STIMATE: variants seen among roughly 807,000 people sequenced by gnomAD.
STIMATE encodes store-operated calcium entry regulator STIMATE.
Under a neutral mutation model 36.7 loss-of-function variants are expected in STIMATE, and 15 were observed. The observed-to-expected ratio is 0.41, with a 90% CI of 0.27 to 0.63. The LOEUF is 0.63. Among genes scored for constraint, STIMATE ranks in the 20% least tolerant of loss-of-function variants. STIMATE has a pLI of 0.32. For missense variants in STIMATE, 305 were observed against 397.3 expected (o/e 0.77, Z 1.98); for synonymous variants, 163 against 162.3 (o/e 1.00, Z -0.03).
intron 1 of STIMATE, among the ~76,000 whole-genome samples, chr3:52,875,824 C>T (rs144722494): frequency 1.3e-5 from 2 of 152,328 alleles, no homozygotes; most frequent in African/African-American, 2.4e-5. Context: ...ACTTTAAATG[C>T]CATTCCCCAG....
intron 1 of STIMATE, among the ~76,000 whole-genome samples, chr3:52,877,487 T>C (rs1272847544): frequency 3.9e-5 from 6 of 152,216 alleles, no homozygotes; most frequent in African/African-American, 1.4e-4. Context: ...GAGTAGGCAT[T>C]GGAGGGGAAA....
intron 2 of STIMATE, among the ~76,000 whole-genome samples, 161 bp from the exon 3 acceptor site, chr3:52,852,859 A>G (rs112633096): frequency 8.4e-4 from 128 of 152,362 alleles, no homozygotes; most frequent in South Asian, 5.4e-3. Flanking sequence ...TTGGCATCTC[A>G]GCCACCTTTC....
At chr3:52,889,643 C>T (rs754732798) in intron 1 of STIMATE, among the ~76,000 whole-genome samples, 8 of 152,268 alleles carry the variant, frequency 5.3e-5, no homozygotes, top group East Asian at 3.9e-4. Context: ...TGGGTGAGCA[C>T]GGCACGTCTG....
At chr3:52,874,978 T>C (rs1022667068) in intron 1 of STIMATE, among the ~76,000 whole-genome samples, 1 of 152,182 alleles carries the variant, frequency 6.6e-6, no homozygotes, top group African/African-American at 2.4e-5. Context: ...AATCTCCTTC[T>C]AAGAGAAAAG....
chr3:52,891,440 T>C (rs1193392919), intron 1 of STIMATE, among the ~76,000 whole-genome samples: 1 of 152,168 alleles, frequency 6.6e-6, no homozygotes, highest in Admixed American at 6.5e-5. Flanking sequence ...CCTACTACCA[T>C]GGGCCCTGGG....
intron 1 of STIMATE, among the ~76,000 whole-genome samples, chr3:52,895,257 G>A (rs983098259): frequency 6.6e-6 from 1 of 152,210 alleles, no homozygotes; most frequent in Non-Finnish European, 1.5e-5. Flanking sequence ...GCCCCACCCT[G>A]ACTGCATCCC....
chr3:52,870,884 CCT>C lies in STIMATE; in HGVS notation c.161-15442_161-15441del, dbSNP rs547977767. 9.8e-4 allele frequency among the ~76,000 whole-genome samples: 149 copies of C among 152,058 alleles called. 1 individual carries two copies. The highest frequency in any genetic ancestry group is 3.5e-3 in the African/African-American group (145 of 41,466). ...TAAGGTGCTCCAAGTAATTGTGTCC[CCT>C]CTCACTGGAAGGTCTGGGGGAAGGC... is the stretch of plus-strand genomic sequence containing the variant. On this transcript the variant is annotated intron_variant, in intron 1 of 7. Coordinates refer to ENST00000355083, the MANE Select transcript of STIMATE (RefSeq NM_198563.5).
chr3:52,842,799 G>A lies in STIMATE; in HGVS notation c.768+12C>T. On this transcript the variant is annotated intron_variant, in intron 7 of 7. Coordinates refer to ENST00000355083, the MANE Select transcript of STIMATE (RefSeq NM_198563.5). Reference sequence around the variant, plus strand: ...GACGGCTTGGGCCCTTGGAGAGTCAGGGAGGCCCTACCTCAGACTCAGACT... The same window carrying A: ...GACGGCTTGGGCCCTTGGAGAGTCAAGGAGGCCCTACCTCAGACTCAGACT... 1 of 1,614,134 alleles carries A rather than the reference G, an allele frequency of 6.2e-7. No individual in the cohort carries two copies. The highest frequency in any genetic ancestry group is 1.3e-5 in the African/African-American group (1 of 75,068).
Position 52,840,613 on chromosome 3 carries a change from G to A in STIMATE, c.769-3C>T. ...TCATCATCCGCTGAGATCAGGATCT[G>A]AGGCAGTAGAGAGGCAGGGCCTGAG... is the stretch of plus-strand genomic sequence containing the variant. On this transcript the variant is annotated splice_polypyrimidine_tract_variant and splice_region_variant and intron_variant, in intron 7 of 7. Transcript: ENST00000355083. 2 of 1,612,086 alleles carry A rather than the reference G, an allele frequency of 1.2e-6. No individual in the cohort carries two copies. The highest frequency in any genetic ancestry group is 8.5e-7 in the Non-Finnish European group (1 of 1,179,108).
At chr3:52,871,940 T>C (rs1005159798) in intron 1 of STIMATE, among the ~76,000 whole-genome samples, 1 of 152,058 alleles carries the variant, frequency 6.6e-6, no homozygotes, top group Admixed American at 6.5e-5. Context: ...ACATGGGGCT[T>C]CTCTTGATGC....
In STIMATE at chr3:52,869,083, A is replaced by G. The variant is rs187371642; in HGVS notation, c.161-13639T>C. On this transcript the variant is annotated intron_variant, in intron 1 of 7. Coordinates refer to ENST00000355083, the MANE Select transcript of STIMATE (RefSeq NM_198563.5). The stretch of plus-strand genomic sequence containing the variant: ...ATCCAAAGCCCACATTTCCCCTGCC[A>G]TCTTGAGGGGAATACAAAACTGACT... Among the ~76,000 whole-genome samples the G allele has an allele frequency of 3.7e-3, 556 of 152,256 alleles. 10 individuals carry two copies. The highest frequency in any genetic ancestry group is 3.2e-3 in the Non-Finnish European group (221 of 68,022).
Position 52,849,912 on chromosome 3 carries a change from A to C in STIMATE, c.307T>G (p.Tyr103Asp). ...GCGTCCAGGAGGAAGTTGATGAGGT[A>C]CCTGTGAGGACAGGGCACATGCATG... is the stretch of plus-strand genomic sequence containing the variant. The part of the protein sequence containing the change: ...DLTEEDPCSL[Y>D]LINFLLDATV... Residue 103 changes from tyrosine (Y) to aspartate (D), a missense_variant and splice_region_variant, in exon 4 of 8, where the codon TAC becomes GAC. Transcript: ENST00000355083. 6.2e-7 allele frequency: 1 copy of C among 1,613,294 alleles called. No individual in the cohort carries two copies. The highest frequency in any genetic ancestry group is 8.5e-7 in the Non-Finnish European group (1 of 1,179,672).
intron 1 of STIMATE, among the ~76,000 whole-genome samples, chr3:52,891,628 T>A (rs1243835613): frequency 6.6e-6 from 1 of 152,084 alleles, no homozygotes; most frequent in Non-Finnish European, 1.5e-5. Flanking sequence ...CGCATGCTAA[T>A]CTGGATTCAC....
intron 1 of STIMATE, among the ~76,000 whole-genome samples, chr3:52,871,515 G>C (rs900511460): frequency 6.6e-6 from 1 of 152,090 alleles, no homozygotes; most frequent in Non-Finnish European, 1.5e-5. Context: ...CCTGTGGCAG[G>C]GACAGCTTCC....
At chr3:52,868,253 C>T (rs192850419) in intron 1 of STIMATE, among the ~76,000 whole-genome samples, 182 of 152,324 alleles carry the variant, frequency 1.2e-3, no homozygotes, top group African/African-American at 4.2e-3. Flanking sequence ...TTCTTCCTTG[C>T]TAAGAGAAGC....
At chr3:52,865,039 C>T (rs1054729016) in intron 1 of STIMATE, among the ~76,000 whole-genome samples, 10 of 152,076 alleles carry the variant, frequency 6.6e-5, no homozygotes, top group Middle Eastern at 6.8e-3. Flanking sequence ...CTCTGCCTCC[C>T]GGGTTCAAGC....
At chr3:52,891,244 T>C (rs1407768698) in intron 1 of STIMATE, among the ~76,000 whole-genome samples, 1 of 152,128 alleles carries the variant, frequency 6.6e-6, no homozygotes, top group Non-Finnish European at 1.5e-5. Flanking sequence ...TCAGGGTGTC[T>C]GGGGTCCCAG....
chr3:52,866,430 C>A (rs76511274), intron 1 of STIMATE, among the ~76,000 whole-genome samples: 1 of 152,232 alleles, frequency 6.6e-6, no homozygotes, highest in Non-Finnish European at 1.5e-5. Context: ...TCTCTCCTCT[C>A]GGACATGAGC....
intron 1 of STIMATE, among the ~76,000 whole-genome samples, chr3:52,879,127 T>C (rs188914995): frequency 6.6e-6 from 1 of 152,344 alleles, no homozygotes; most frequent in East Asian, 1.9e-4. Context: ...AAATTACACA[T>C]AAGACCTTTG....
Sources: gnomAD v4.1 joint callset for allele counts (sites outside exome capture counted in the v4.1 genomes callset) on GRCh38, gnomAD v4.1.1 for gene constraint, MANE v1.5 for transcripts, NCBI Gene and HGNC (gene_info 2026-07-23, HGNC 2026-07-21) for gene names.